UNC5D: variants seen among roughly 807,000 people sequenced by gnomAD.
The protein encoded by UNC5D is unc-5 netrin receptor D, also known as netrin receptor UNC5D.
A neutral mutation model predicts 105.4 loss-of-function variants in UNC5D; 39 were observed. The observed-to-expected ratio is 0.37, with a 90% confidence interval of 0.29 to 0.48. The LOEUF is 0.48. UNC5D is among the 20% of genes least tolerant of loss of function. The pLI, the probability that UNC5D is intolerant of heterozygous loss-of-function variation, is 0.98. For missense variants in UNC5D, 991 were observed against 1,202.4 expected (o/e 0.82, Z 2.60); for synonymous variants, 452 against 450.4 (o/e 1.00, Z -0.04).
At chr8:35,250,959 GA>G (rs1165181857) in intron 1 of UNC5D, among the ~76,000 whole-genome samples, 1 of 152,188 alleles carries the variant, frequency 6.6e-6, no homozygotes, top group African/African-American at 2.4e-5. Context: ...TTAGGATAAT[GA>G]GAGCCATGGA....
In UNC5D at chr8:35,358,198, G is replaced by C. The variant is rs181845457; in HGVS notation, c.103+122311G>C. Among the ~76,000 whole-genome samples, 5 of 152,160 alleles carry C rather than the reference G, an allele frequency of 3.3e-5. No homozygotes were observed. In the East Asian group the frequency reaches 7.8e-4, roughly 24 times the overall value. ...TTCTATTATAAAGATACATACATGC[G>C]TATGTTCATTGCAGCACTGTTCACA... is the stretch of plus-strand genomic sequence containing the variant. On this transcript the variant is annotated intron_variant, in intron 1 of 16. Transcript: ENST00000404895.
At chr8:35,371,740 G>T (rs186032629) in intron 1 of UNC5D, among the ~76,000 whole-genome samples, 1 of 152,218 alleles carries the variant, frequency 6.6e-6, no homozygotes, top group Non-Finnish European at 1.5e-5. Flanking sequence ...CTACAATTCT[G>T]GGTCCTAGAG....
intron 4 of UNC5D, among the ~76,000 whole-genome samples, chr8:35,597,031 T>C (rs567295057): frequency 6.6e-6 from 1 of 152,250 alleles, no homozygotes; most frequent in Admixed American, 6.5e-5. Context: ...GAGAAGCAGA[T>C]ATACAAAGAA....
intron 4 of UNC5D, among the ~76,000 whole-genome samples, chr8:35,644,164 C>T (rs1027989060): frequency 1.3e-5 from 2 of 152,076 alleles, no homozygotes; most frequent in Admixed American, 6.6e-5. Context: ...AGTCCAGGCT[C>T]TACTGGGTTA....
At chr8:35,635,122 A>G (rs1822277975) in intron 4 of UNC5D, among the ~76,000 whole-genome samples, 1 of 151,748 alleles carries the variant, frequency 6.6e-6, no homozygotes, top group African/African-American at 2.4e-5. Flanking sequence ...AGAGTGCACT[A>G]TTTTTTCTCT....
At chr8:35,702,155 G>A (rs1228391182) in intron 7 of UNC5D, among the ~76,000 whole-genome samples, 1 of 152,030 alleles carries the variant, frequency 6.6e-6, no homozygotes, top group Non-Finnish European at 1.5e-5. Context: ...AAACTGCTAT[G>A]ATTTTTTTCC....
At chr8:35,403,618 C>T (rs891295700) in intron 1 of UNC5D, among the ~76,000 whole-genome samples, 3 of 152,166 alleles carry the variant, frequency 2.0e-5, no homozygotes, top group Non-Finnish European at 4.4e-5. Context: ...TGAAATACTC[C>T]AGTGACCATT....
intron 1 of UNC5D, among the ~76,000 whole-genome samples, chr8:35,359,000 C>G (rs1435887823): frequency 3.3e-5 from 5 of 151,942 alleles, no homozygotes; most frequent in African/African-American, 7.3e-5. Flanking sequence ...GACTATAAAC[C>G]TTGGGCCAGG....
intron 1 of UNC5D, among the ~76,000 whole-genome samples, chr8:35,359,415 C>T (rs1004653646): frequency 6.6e-6 from 1 of 152,162 alleles, no homozygotes; most frequent in Non-Finnish European, 1.5e-5. Flanking sequence ...ATACAAGTCT[C>T]TTTGAATGTA....
chr8:35,657,789 A>T (rs1244736033), intron 4 of UNC5D, among the ~76,000 whole-genome samples: 1 of 152,204 alleles, frequency 6.6e-6, no homozygotes, highest in African/African-American at 2.4e-5. Flanking sequence ...CCTAGTTAAT[A>T]TTGTGATTAT....
chr8:35,416,435 A>G (rs896523249), intron 1 of UNC5D, among the ~76,000 whole-genome samples: 3 of 152,220 alleles, frequency 2.0e-5, no homozygotes, highest in African/African-American at 7.2e-5. Flanking sequence ...ACACATTTAA[A>G]TCTGGCATTT....
At chr8:35,738,070 C>T (rs909410542) in intron 11 of UNC5D, among the ~76,000 whole-genome samples, 1 of 152,128 alleles carries the variant, frequency 6.6e-6, no homozygotes, top group African/African-American at 2.4e-5. Flanking sequence ...CAAGCCATTG[C>T]ACTCCAGCCT....
chr8:35,750,510 GT>G (rs1830222729), intron 12 of UNC5D, 71 bp from the exon 13 acceptor site: 1 of 1,452,938 alleles, frequency 6.9e-7, no homozygotes, highest in Non-Finnish European at 9.7e-7. Flanking sequence ...TTATTTATTT[GT>G]GTCCTGGCAA....
intron 1 of UNC5D, among the ~76,000 whole-genome samples, chr8:35,452,255 C>CTATTTT (rs919664038): frequency 4.0e-4 from 61 of 151,992 alleles, no homozygotes; most frequent in South Asian, 1.0e-3. Flanking sequence ...ATTCTAATAT[C>CTATTTT]TATTTTTATT....
chr8:35,266,568 C>T (rs1021328776), intron 1 of UNC5D, among the ~76,000 whole-genome samples: 3 of 152,084 alleles, frequency 2.0e-5, no homozygotes, highest in African/African-American at 7.2e-5. Flanking sequence ...GAAACCACCC[C>T]AAATTTAGTG....
intron 16 of UNC5D, among the ~76,000 whole-genome samples, chr8:35,785,297 C>A (rs553643130): frequency 6.6e-6 from 1 of 152,252 alleles, no homozygotes; most frequent in East Asian, 1.9e-4. Context: ...AATGCATTTG[C>A]ACACATGTAA....
intron 1 of UNC5D, among the ~76,000 whole-genome samples, chr8:35,444,896 G>A (rs1430898079): frequency 6.6e-6 from 1 of 152,046 alleles, no homozygotes; most frequent in Non-Finnish European, 1.5e-5. Context: ...GCCACAGATA[G>A]TATCATTTTT....
chr8:35,413,703 T>C (rs893717131), intron 1 of UNC5D, among the ~76,000 whole-genome samples: 1 of 152,050 alleles, frequency 6.6e-6, no homozygotes, highest in Non-Finnish European at 1.5e-5. Flanking sequence ...TTCCTTGTGA[T>C]CCATTTAACT....
intron 16 of UNC5D, among the ~76,000 whole-genome samples, chr8:35,778,221 G>T (rs1802345462): frequency 6.6e-6 from 1 of 152,160 alleles, no homozygotes; most frequent in Non-Finnish European, 1.5e-5. Flanking sequence ...AGGCTGGTGT[G>T]GTTACAGCAG....
Sources: allele counts gnomAD v4.1 joint callset (sites outside exome capture counted in the v4.1 genomes callset), GRCh38; gene constraint gnomAD v4.1.1; transcripts MANE v1.5; gene names NCBI Gene and HGNC (gene_info 2026-07-23, HGNC 2026-07-21).